Variants in KLF7 observed in about 807,000 individuals in gnomAD.
The protein encoded by KLF7 is Krueppel-like factor 7.
In KLF7, 2 loss-of-function variants were observed where a neutral mutation model predicts 27.3. The ratio of observed to expected loss-of-function variants is 0.07; its 90% CI spans 0.03 to 0.23. The LOEUF (loss-of-function observed/expected upper bound fraction) is 0.23, where lower values mean the gene tolerates loss of function less well. Ranked by LOEUF, KLF7 falls within the 10% of genes least tolerant of loss-of-function variation. The pLI is 1.00. For synonymous variants in KLF7, 165 were observed against 162.4 expected (o/e 1.02, Z -0.12); for missense variants, 221 against 394.1 (o/e 0.56, Z 3.72).
chr2:207,125,350 C>T (rs77625707), intron 1 of KLF7, among the ~76,000 whole-genome samples: 1 of 152,328 alleles, frequency 6.6e-6, no homozygotes, highest in African/African-American at 2.4e-5. Flanking sequence ...AAGCCCTCCT[C>T]ACTCAAAAAT....
chr2:207,081,230 T>C lies in KLF7; in HGVS notation c.892A>G (p.Met298Val), dbSNP rs1259658080. The change falls in exon 4 of 4, where the codon ATG becomes GTG. Residue 298 changes from methionine to valine, a missense_variant. This residue lies in a region of KLF7 where 30 missense variants were observed against 115.4 expected (regional missense o/e 0.26). Transcript: ENST00000309446. ...TCGGTTTTTTAGATATGTCTCTTCA[T>C]GTGGAGGGCAAGATGGTCAGACCTG... ...FSRSDHLALH[M>V]KRHI The C allele has an allele frequency of 6.2e-7, 1 of 1,614,140 alleles. No individual in the cohort carries two copies. Among genetic ancestry groups the C allele is most frequent in the East Asian group, 2.2e-5 (1 of 44,874 alleles).
chr2:207,165,630 G>A lies in KLF7; in HGVS notation c.-62C>T. ...CCCCCGAACACAGTTGGGGCTGTTT[G>A]TTTGTCAGTCTGTCTGGCTCACCCC... On this transcript the variant is annotated 5_prime_UTR_variant, in exon 1 of 4. Coordinates refer to ENST00000309446, the MANE Select transcript of KLF7 (RefSeq NM_003709.4). The A allele has an allele frequency of 1.2e-6, 2 of 1,608,520 alleles. No individual in the cohort carries two copies. Among genetic ancestry groups the A allele is most frequent in the Non-Finnish European group, 8.5e-7 (1 of 1,177,752 alleles).
chr2:207,140,138 C>T (rs562491811), intron 1 of KLF7, among the ~76,000 whole-genome samples: 2 of 152,274 alleles, frequency 1.3e-5, no homozygotes, highest in African/African-American at 2.4e-5. Flanking sequence ...CCGCCCACCT[C>T]GGCCTCCCAA....
At chr2:207,111,423 C>T (rs2105938790) in intron 2 of KLF7, among the ~76,000 whole-genome samples, 1 of 152,338 alleles carries the variant, frequency 6.6e-6, no homozygotes, top group South Asian at 2.1e-4. Context: ...GCTCCTCAAG[C>T]ACAGGGAAGC....
At chr2:207,148,501 C>CA (rs1271483384) in intron 1 of KLF7, among the ~76,000 whole-genome samples, 1 of 152,144 alleles carries the variant, frequency 6.6e-6, no homozygotes, top group Non-Finnish European at 1.5e-5. Flanking sequence ...CTACTCAACC[C>CA]AAAAAGATAG....
At chr2:207,097,434 C>T (rs777272791) in intron 2 of KLF7, among the ~76,000 whole-genome samples, 14 of 152,140 alleles carry the variant, frequency 9.2e-5, no homozygotes, top group Non-Finnish European at 1.5e-4. Context: ...TACAGACACA[C>T]AGGAAGCCAG....
intron 2 of KLF7, among the ~76,000 whole-genome samples, chr2:207,099,708 TAAC>T (rs1487340724): frequency 6.6e-6 from 1 of 151,340 alleles, no homozygotes; most frequent in Non-Finnish European, 1.5e-5. Flanking sequence ...AAGCTAATGA[TAAC>T]AAAAATTGAT....
chr2:207,165,968 G>C, upstream of KLF7: 1 of 1,007,978 alleles, frequency 9.9e-7, no homozygotes, highest in Non-Finnish European at 1.2e-6. Context: ...TGCAATCTTT[G>C]CTCTTTATTT....
chr2:207,087,284 A>G (rs2076411634), intron 3 of KLF7, among the ~76,000 whole-genome samples: 1 of 152,106 alleles, frequency 6.6e-6, no homozygotes, highest in African/African-American at 2.4e-5. Context: ...GAGAATGAAG[A>G]TAAGAGGAAA....
At chr2:207,146,156 A>C (rs763251590) in intron 1 of KLF7, among the ~76,000 whole-genome samples, 3 of 152,210 alleles carry the variant, frequency 2.0e-5, no homozygotes, top group African/African-American at 4.8e-5. Flanking sequence ...TGAATACATA[A>C]AGCACAAAGC....
intron 2 of KLF7, among the ~76,000 whole-genome samples, chr2:207,102,773 C>A (rs776194603): frequency 6.6e-6 from 1 of 152,130 alleles, no homozygotes; most frequent in Non-Finnish European, 1.5e-5. Context: ...CTCCCCTTAT[C>A]CCTAGGTAAG....
chr2:207,083,892 G>T (rs931040523), intron 3 of KLF7, among the ~76,000 whole-genome samples: 2 of 152,128 alleles, frequency 1.3e-5, no homozygotes, highest in African/African-American at 4.8e-5. Flanking sequence ...AGGAATGTGG[G>T]CAGCTTCTAG....
At chr2:207,145,503 CA>C (rs2078074336) in intron 1 of KLF7, among the ~76,000 whole-genome samples, 1 of 152,170 alleles carries the variant, frequency 6.6e-6, no homozygotes, top group Non-Finnish European at 1.5e-5. Context: ...AAATGAAATA[CA>C]GGTGTCAGTT....
intron 2 of KLF7, among the ~76,000 whole-genome samples, chr2:207,117,003 A>G (rs2077205974): frequency 6.6e-6 from 1 of 152,208 alleles, no homozygotes; most frequent in Non-Finnish European, 1.5e-5. Context: ...GTGTATGTAC[A>G]GTGGGTGTTC....
chr2:207,099,863 C>T (rs1380535418), intron 2 of KLF7, among the ~76,000 whole-genome samples: 3 of 152,130 alleles, frequency 2.0e-5, no homozygotes, highest in African/African-American at 7.2e-5. Context: ...GATGTGGTGG[C>T]TCACACCTGT....
At chr2:207,082,913 C>T (rs1205649953) in intron 3 of KLF7, among the ~76,000 whole-genome samples, 1 of 152,106 alleles carries the variant, frequency 6.6e-6, no homozygotes, top group Non-Finnish European at 1.5e-5. Flanking sequence ...CTTAAATAGG[C>T]ACATGTGTAG....
At chr2:207,127,116 T>A (rs576504906) in intron 1 of KLF7, among the ~76,000 whole-genome samples, 64 of 151,896 alleles carry the variant, frequency 4.2e-4, no homozygotes, top group African/African-American at 1.5e-3. Context: ...TGGTGTGAAC[T>A]GCAGGAGCAC....
intron 2 of KLF7, among the ~76,000 whole-genome samples, chr2:207,107,251 T>C (rs1480654826): frequency 6.6e-6 from 1 of 152,208 alleles, no homozygotes; most frequent in Non-Finnish European, 1.5e-5. Flanking sequence ...ACAGCTGCTG[T>C]GGCATCGGAG....
At chr2:207,140,038 G>A (rs1373004928) in intron 1 of KLF7, among the ~76,000 whole-genome samples, 1 of 152,086 alleles carries the variant, frequency 6.6e-6, no homozygotes, top group East Asian at 1.9e-4. Flanking sequence ...ATAGGTGCCC[G>A]CCATCACACC....
Sources: allele counts gnomAD v4.1 joint callset (sites outside exome capture counted in the v4.1 genomes callset), GRCh38; gene constraint gnomAD v4.1.1; regional missense constraint gnomAD v4.1.1; transcripts MANE v1.5; gene names NCBI Gene and HGNC (gene_info 2026-07-23, HGNC 2026-07-21).